SPAG17: variants seen among roughly 807,000 people sequenced by gnomAD.
SPAG17 encodes the protein sperm associated antigen 17.
A neutral mutation model predicts 273.6 loss-of-function variants in SPAG17; 169 were observed. The ratio of observed to expected loss-of-function variants is 0.62; its 90% CI spans 0.55 to 0.70. SPAG17 has a LOEUF of 0.70. Among genes scored for constraint, SPAG17 ranks in the 30% least tolerant of loss-of-function variants. The probability of loss-of-function intolerance (pLI) is 0.00; values close to 1 mark genes in which losing one functional copy is unlikely to be tolerated. For missense variants in SPAG17, 2,557 were observed against 2,627.8 expected (o/e 0.97, Z 0.59); for synonymous variants, 825 against 873.2 (o/e 0.94, Z 0.97).
In SPAG17 at chr1:117,992,516, G is replaced by A. The variant is rs547413670; in HGVS notation, c.5311C>T (p.His1771Tyr). The A allele has an allele frequency of 9.2e-5, 149 of 1,613,566 alleles. 2 individuals are homozygous for A. The South Asian group carries it at 1.6e-3, about 17-fold the overall frequency. The part of the protein sequence containing the change: ...SVLQMRQFIQ[H>Y]EVIKNEVKLR... ...TTCACCTCATTCTTTATGACCTCAT[G>A]CTGAATGAATTGGCGCATCTGTAGC... is the stretch of plus-strand genomic sequence containing the variant. The change falls in exon 36 of 49, where the codon CAT becomes TAT. Residue 1771 changes from histidine to tyrosine, a missense_variant. Coordinates refer to ENST00000336338, the MANE Select transcript of SPAG17 (RefSeq NM_206996.4).
In SPAG17 at chr1:118,099,711, T is replaced by A. The variant is rs755527486; in HGVS notation, c.724A>T (p.Ile242Phe). 2.5e-6 allele frequency: 4 copies of A among 1,613,826 alleles called. No homozygotes were observed. Among genetic ancestry groups the A allele is most frequent in the African/African-American group, 1.3e-5 (1 of 74,920 alleles). Residue 242 changes from isoleucine (I) to phenylalanine (F), a missense_variant, in exon 6 of 49, where the codon ATT becomes TTT. Physicochemically the swap from Ile to Phe is conservative, Grantham distance 21. Transcript: ENST00000336338. ...QLLAIMAELG[I>F]PITSVIKISS... ...ATTTTAATCACGCTGGTTATAGGAA[T>A]GCCAAGCTCAGCCATAATTGCTAAT... is the stretch of plus-strand genomic sequence containing the variant.
chr1:118,176,706 C>T (rs944348041), intron 1 of SPAG17, among the ~76,000 whole-genome samples: 6 of 152,178 alleles, frequency 3.9e-5, no homozygotes, highest in African/African-American at 1.4e-4. Context: ...ATAGGCCTAA[C>T]TGATATTTAC....
intron 1 of SPAG17, among the ~76,000 whole-genome samples, chr1:118,167,376 T>C (rs1660219150): frequency 1.3e-5 from 2 of 152,182 alleles, no homozygotes; most frequent in Non-Finnish European, 2.9e-5. Flanking sequence ...GTTATAATGA[T>C]TTTTGTACAA....
intron 17 of SPAG17, among the ~76,000 whole-genome samples, chr1:118,069,371 G>C (rs933373921): frequency 2.6e-5 from 2 of 76,432 alleles, no homozygotes; most frequent in African/African-American, 1.1e-4. Context: ...GGTGGTAGCT[G>C]TGGTGCAGAA....
rs1223650138 is a variant in SPAG17, at chr1:118,003,876, C to A, written c.4776+1538G>T. On this transcript the variant is annotated intron_variant, in intron 32 of 48. Coordinates refer to ENST00000336338, the MANE Select transcript of SPAG17 (RefSeq NM_206996.4). Reference sequence around the variant, plus strand: ...TCTGTTGCTGGTAAGGAGCTGTGATCCTTTGGAGGAGAAGCACTCTGATTT... The same window carrying A: ...TCTGTTGCTGGTAAGGAGCTGTGATACTTTGGAGGAGAAGCACTCTGATTT... Among the ~76,000 whole-genome samples the A allele has an allele frequency of 2.0e-5, 3 of 152,118 alleles. No individual in the cohort carries two copies. In the East Asian group the frequency reaches 5.8e-4, roughly 29 times the overall value.
At chr1:117,984,004 A>C (rs536108273) in intron 41 of SPAG17, 91 bp from the exon 42 acceptor site, 34 of 581,710 alleles carry the variant, frequency 5.8e-5, no homozygotes, top group South Asian at 4.8e-4. Flanking sequence ...TAATGAAAAC[A>C]TATTTTTAAT....
chr1:118,085,738 T>C (rs1654946250), intron 13 of SPAG17, among the ~76,000 whole-genome samples, 184 bp downstream of exon 13: 1 of 152,226 alleles, frequency 6.6e-6, no homozygotes, highest in Admixed American at 6.5e-5. Flanking sequence ...GCATTATAGC[T>C]ATGATAACAT....
chr1:118,122,280 A>T, intron 3 of SPAG17, among the ~76,000 whole-genome samples: 1 of 148,926 alleles, frequency 6.7e-6, no homozygotes, highest in East Asian at 1.9e-4. Flanking sequence ...CAAATGATTG[A>T]AAAGGGCCAC....
chr1:118,013,362 T>G (rs1659660499), intron 29 of SPAG17, among the ~76,000 whole-genome samples: 1 of 152,192 alleles, frequency 6.6e-6, no homozygotes, highest in Non-Finnish European at 1.5e-5. Flanking sequence ...CAGTCACTAC[T>G]TAAGAGAGAA....
rs1313422744 is a variant in SPAG17, at chr1:117,963,798, C to T, written c.*1G>A. The T allele has an allele frequency of 1.9e-6, 3 of 1,610,606 alleles. No individual in the cohort carries two copies. Among genetic ancestry groups the T allele is most frequent in the African/African-American group, 1.3e-5 (1 of 74,760 alleles). The stretch of plus-strand genomic sequence containing the variant: ...AAATTCCCATTTATTACTTACTGTA[C>T]CTAATGTGGAGAAACTTTACGAGAC... On this transcript the variant is annotated splice_donor_variant, in intron 48 of 48. Coordinates refer to ENST00000336338, the MANE Select transcript of SPAG17 (RefSeq NM_206996.4). LOFTEE classifies it low-confidence loss of function (3UTR_SPLICE).
At chr1:118,018,358 G>A (rs1227925364) in intron 28 of SPAG17, among the ~76,000 whole-genome samples, 1 of 152,136 alleles carries the variant, frequency 6.6e-6, no homozygotes, top group Non-Finnish European at 1.5e-5. Context: ...GAGAAAACAA[G>A]AAAGTACTTA....
intron 1 of SPAG17, among the ~76,000 whole-genome samples, chr1:118,153,403 G>C (rs1659493300): frequency 6.6e-6 from 1 of 152,326 alleles, no homozygotes; most frequent in South Asian, 2.1e-4. Flanking sequence ...TTACAACTTT[G>C]TGATCATTTC....
chr1:118,066,546 A>G (rs1293821032), intron 18 of SPAG17, among the ~76,000 whole-genome samples, 199 bp downstream of exon 18: 50 of 152,228 alleles, frequency 3.3e-4, no homozygotes, highest in Admixed American at 3.3e-3. Flanking sequence ...TTAGTGGTAT[A>G]GCTCCAATGC....
intron 44 of SPAG17, 53 bp from the exon 45 acceptor site, chr1:117,972,100 T>TA (rs878970850): frequency 0.025 from 29,221 of 1,188,172 alleles, 3 homozygotes; most frequent in South Asian, 0.027. Context: ...TTCCCAAGAT[T>TA]AAAAAAAAAA....
chr1:118,151,413 A>T, intron 1 of SPAG17, 44 bp from the exon 2 acceptor site: 1 of 1,526,678 alleles, frequency 6.6e-7, no homozygotes, highest in Non-Finnish European at 8.9e-7. Flanking sequence ...ATTCCTGAAT[A>T]GGTCATTTCG....
At position 118,081,239 on chromosome 1, in the gene SPAG17, G is replaced by C; in HGVS notation, c.2071C>G (p.Pro691Ala). Residue 691 changes from proline to alanine, a missense_variant, in exon 15 of 49, where the codon CCT (proline) becomes GCT (alanine). Transcript: ENST00000336338. ...SVQDNESNRE[P>A]SDPSQCDANN... ...GCATCACACTGACTAGGATCTGAAG[G>C]TTCTCGGTTGCTTTCATTATCTTGC... The C allele has an allele frequency of 6.2e-7, 1 of 1,614,032 alleles. No individual in the cohort carries two copies. Among genetic ancestry groups the C allele is most frequent in the Non-Finnish European group, 8.5e-7 (1 of 1,179,978 alleles).
At chr1:117,970,021 G>C (rs373561700) in intron 46 of SPAG17, 35 bp downstream of exon 46, 1 of 1,600,110 alleles carries the variant, frequency 6.2e-7, no homozygotes, top group African/African-American at 1.3e-5. Context: ...TTGCATGCAC[G>C]CAAGCACACA....
At chr1:118,079,809 T>C (rs1654387201) in intron 15 of SPAG17, among the ~76,000 whole-genome samples, 1 of 152,178 alleles carries the variant, frequency 6.6e-6, no homozygotes, top group African/African-American at 2.4e-5. Context: ...AGTTTTTCAT[T>C]ATCATTTGGT....
intron 20 of SPAG17, among the ~76,000 whole-genome samples, chr1:118,045,859 G>T (rs1159555948): frequency 1.3e-5 from 2 of 152,178 alleles, no homozygotes; most frequent in African/African-American, 4.8e-5. Context: ...TGCAGATTCA[G>T]TCGGTGTGGG....
Sources: allele counts gnomAD v4.1 joint callset (sites outside exome capture counted in the v4.1 genomes callset), GRCh38; gene constraint gnomAD v4.1.1; transcripts MANE v1.5; gene names NCBI Gene and HGNC (gene_info 2026-07-23, HGNC 2026-07-21).